Variants in MYO1E observed in about 807,000 individuals in gnomAD.
MYO1E encodes the protein unconventional myosin-Ie.
Under a neutral mutation model 151.1 loss-of-function variants are expected in MYO1E, and 68 were observed. The observed-to-expected ratio is 0.45, with a 90% CI of 0.37 to 0.55. The LOEUF (loss-of-function observed/expected upper bound fraction) is 0.55. Among genes scored for constraint, MYO1E ranks in the 20% least tolerant of loss-of-function variants. The pLI is 0.00. For synonymous variants in MYO1E, 601 were observed against 501.7 expected, an observed-to-expected ratio of 1.20 and a Z score of -2.64; for missense variants, 1,363 against 1,389.3, an observed-to-expected ratio of 0.98 and a Z score of 0.30.
chr15:59,150,405 A>T (rs1211216100), intron 26 of MYO1E, among the ~76,000 whole-genome samples: 1 of 152,200 alleles, frequency 6.6e-6, no homozygotes, highest in Non-Finnish European at 1.5e-5. Flanking sequence ...TAAATTGCCT[A>T]CTTTTGGCTG....
At chr15:59,295,476 C>G (rs2080443367) in intron 1 of MYO1E, among the ~76,000 whole-genome samples, 1 of 152,148 alleles carries the variant, frequency 6.6e-6, no homozygotes, top group Non-Finnish European at 1.5e-5. Context: ...GAGTACTTGG[C>G]ACTACAGACA....
intron 2 of MYO1E, among the ~76,000 whole-genome samples, chr15:59,267,726 T>C (rs1007503296): frequency 6.6e-6 from 1 of 152,232 alleles, no homozygotes; most frequent in African/African-American, 2.4e-5. Flanking sequence ...ACTCTTTTCG[T>C]CGGCCAAGTG....
At chr15:59,296,624 T>C (rs2140400498) in intron 1 of MYO1E, among the ~76,000 whole-genome samples, 1 of 152,136 alleles carries the variant, frequency 6.6e-6, no homozygotes, top group Middle Eastern at 3.4e-3. Flanking sequence ...CTGGAGTGAC[T>C]TGATTTTGGA....
chr15:59,240,049 G>A (rs373406013), intron 4 of MYO1E, among the ~76,000 whole-genome samples: 4 of 152,314 alleles, frequency 2.6e-5, no homozygotes, highest in Admixed American at 6.5e-5. Context: ...CTTTGTTTAC[G>A]CTTCCAGGCA....
Position 59,137,079 on chromosome 15 carries a change from G to T in MYO1E, c.*301C>A. The T allele has an allele frequency of 2.3e-6, 1 of 440,218 alleles. No homozygotes were observed. The highest frequency in any genetic ancestry group is 3.4e-5 in the Admixed American group (1 of 29,078). The allele number at this position is 440,218 out of a possible 1,614,324, so 27.3% of individuals were successfully genotyped here. ...TGCTGTTTTGATAGAAGCCTACAAG[G>T]TCTGAGCAGACCTCACTTGTCCTCT... On this transcript the variant is annotated 3_prime_UTR_variant, in exon 28 of 28. Coordinates refer to ENST00000288235, the MANE Select transcript of MYO1E (RefSeq NM_004998.4).
intron 26 of MYO1E, among the ~76,000 whole-genome samples, chr15:59,142,192 A>C (rs2079414216): frequency 6.6e-6 from 1 of 152,136 alleles, no homozygotes; most frequent in South Asian, 2.1e-4. Context: ...TTTCATTCCA[A>C]GTTTGGTTGA....
chr15:59,233,461 C>A (rs575666734), intron 5 of MYO1E, among the ~76,000 whole-genome samples: 18 of 152,092 alleles, frequency 1.2e-4, no homozygotes, highest in African/African-American at 4.3e-4. Flanking sequence ...GTCAACAGAT[C>A]AAGACCATCC....
At position 59,132,733 on chromosome 15, in the gene MYO1E, T is replaced by C. The variant is rs2079352341; in HGVS notation, c.*4647A>G. The C allele has an allele frequency of 6.6e-6, 1 of 152,246 alleles. No individual in the cohort carries two copies. Among genetic ancestry groups the C allele is most frequent in the Admixed American group, 6.5e-5 (1 of 15,278 alleles). The allele number at this position is 152,246 out of a possible 1,614,324, so 9.4% of individuals were successfully genotyped here. A position where few individuals can be genotyped will look rare whatever the true frequency, so the allele number is the denominator to read the frequency against. On this transcript the variant is annotated 3_prime_UTR_variant, in exon 28 of 28. Coordinates refer to ENST00000288235, the MANE Select transcript of MYO1E (RefSeq NM_004998.4). ...CTCTATACTTTAGTTTCTGTACCTG[T>C]GAAGTGGGGATAAGAGTGTCTCCCT...
chr15:59,184,507 T>TTACA (rs1444271858), intron 18 of MYO1E, among the ~76,000 whole-genome samples: 3 of 151,920 alleles, frequency 2.0e-5, no homozygotes, highest in Non-Finnish European at 4.4e-5. Context: ...ATTACAGGCA[T>TTACA]GGGACACCAC....
rs7175642 is a variant in MYO1E at position 59,157,880 on chromosome 15, T to C, written c.2878+407A>G. 3.3e-4 allele frequency among the ~76,000 whole-genome samples: 50 copies of C among 151,978 alleles called. 1 individual carries two copies. Among genetic ancestry groups the C allele is most frequent in the Admixed American group, 2.5e-3 (38 of 15,254 alleles). On this transcript the variant is annotated intron_variant, in intron 25 of 27. Coordinates refer to ENST00000288235, the MANE Select transcript of MYO1E (RefSeq NM_004998.4). ...AATGCATCCCCCGAGGATAAGGGGGTGCTGCTGTAGTGGTATTTGGCCGGA... is the reference window on the plus strand; with the variant it reads ...AATGCATCCCCCGAGGATAAGGGGGCGCTGCTGTAGTGGTATTTGGCCGGA...
Position 59,357,985 on chromosome 15 carries a change from A to G in MYO1E, c.3+14513T>C, listed in dbSNP as rs540071872. ...ATCACAGGACTTGGCAAGTGGTAGA[A>G]TGTCACAATTCACTACATCTTAATT... On this transcript the variant is annotated intron_variant, in intron 1 of 27. Coordinates refer to ENST00000288235, the MANE Select transcript of MYO1E (RefSeq NM_004998.4). Among the ~76,000 whole-genome samples the G allele has an allele frequency of 3.8e-4, 58 of 152,298 alleles. No homozygotes were observed. The South Asian group carries it at 0.012, about 31-fold the overall frequency.
intron 11 of MYO1E, 35 bp from the exon 12 acceptor site, chr15:59,214,349 C>T: frequency 6.8e-7 from 1 of 1,460,894 alleles, no homozygotes; most frequent in Non-Finnish European, 9.6e-7. Context: ...GTAATTCTTT[C>T]ACAAAATCAT....
intron 1 of MYO1E, among the ~76,000 whole-genome samples, chr15:59,310,198 A>G (rs546558372): frequency 2.2e-4 from 33 of 152,250 alleles, no homozygotes; most frequent in African/African-American, 7.0e-4. Context: ...GACACTGCCA[A>G]GTTGACCAGC....
intron 17 of MYO1E, among the ~76,000 whole-genome samples, chr15:59,195,181 G>A (rs1052500254): frequency 2.6e-5 from 4 of 152,258 alleles, no homozygotes; most frequent in East Asian, 1.9e-4. Context: ...ATGACTCTGC[G>A]GTATGAGGTT....
intron 2 of MYO1E, among the ~76,000 whole-genome samples, chr15:59,262,897 G>A (rs1174108718): frequency 4.6e-5 from 7 of 152,054 alleles, no homozygotes; most frequent in Non-Finnish European, 8.8e-5. Flanking sequence ...AATTTGAATT[G>A]GGTGCTTACT....
intron 1 of MYO1E, among the ~76,000 whole-genome samples, chr15:59,296,355 T>A (rs1381399323): frequency 6.6e-6 from 1 of 152,234 alleles, no homozygotes; most frequent in Non-Finnish European, 1.5e-5. Flanking sequence ...TTCTTTTCTG[T>A]TCACTCACCA....
Position 59,159,108 on chromosome 15 carries a change from A to G in MYO1E, c.2786-729T>C, listed in dbSNP as rs1320461375. 6.6e-6 allele frequency among the ~76,000 whole-genome samples: 1 copy of G among 152,224 alleles called. No homozygotes were observed. Among genetic ancestry groups the G allele is most frequent in the Non-Finnish European group, 1.5e-5 (1 of 68,032 alleles). On this transcript the variant is annotated intron_variant, in intron 24 of 27. Transcript: ENST00000288235. The surrounding 1 kb of genome is among the most constrained non-coding windows in gnomAD (Gnocchi z 4.4). The stretch of plus-strand genomic sequence containing the variant: ...GGTGCAGAGGGAATTTCTTATAAAG[A>G]GAAGAGCTGAAGAATAGAGAAGGGT...
intron 4 of MYO1E, among the ~76,000 whole-genome samples, chr15:59,245,501 A>G (rs2080124167): frequency 6.6e-6 from 1 of 152,222 alleles, no homozygotes; most frequent in Non-Finnish European, 1.5e-5. Context: ...ATTATTTAAA[A>G]AAGTATTTAT....
chr15:59,300,523 C>T (rs1038104796), intron 1 of MYO1E, among the ~76,000 whole-genome samples: 2 of 152,226 alleles, frequency 1.3e-5, no homozygotes, highest in Non-Finnish European at 2.9e-5. Context: ...CCCGCTCATT[C>T]TCAGACCTAA....
Sources: allele counts gnomAD v4.1 joint callset (sites outside exome capture counted in the v4.1 genomes callset), GRCh38; gene constraint gnomAD v4.1.1; non-coding constraint Gnocchi (gnomAD v3.1); transcripts MANE v1.5; gene names NCBI Gene and HGNC (gene_info 2026-07-23, HGNC 2026-07-21).